Variants in FDFT1 observed in about 807,000 individuals in gnomAD.
The protein encoded by FDFT1 is farnesyl-diphosphate farnesyltransferase 1.
A neutral mutation model predicts 46.8 loss-of-function variants in FDFT1; 68 were observed. That is an observed-to-expected ratio of 1.45 (90% CI 1.19 to 1.78). The LOEUF (loss-of-function observed/expected upper bound fraction) is 1.78, where lower values mean the gene tolerates loss of function less well. FDFT1 is among the 40% of genes most tolerant of loss of function. FDFT1 has a pLI of 0.00. For missense variants in FDFT1, 928 were observed against 524.4 expected, an observed-to-expected ratio of 1.77 and a Z score of -7.52; for synonymous variants, 351 against 185.1, an observed-to-expected ratio of 1.90 and a Z score of -7.28.
intron 3 of FDFT1, among the ~76,000 whole-genome samples, chr8:11,813,532 G>A (rs1736058): frequency 0.18 from 27,773 of 152,096 alleles, 2,935 homozygotes; most frequent in East Asian, 0.43. Flanking sequence ...AGGATTACCC[G>A]TGAAGTTAAG....
At position 11,831,501 on chromosome 8, in the gene FDFT1, CTTCTT is replaced by C; in HGVS notation, c.880-16_880-12del. 1 of 1,524,496 alleles carries C rather than the reference CTTCTT, an allele frequency of 6.6e-7. No individual in the cohort carries two copies. Among genetic ancestry groups the C allele is most frequent in the African/African-American group, 1.3e-5 (1 of 74,190 alleles). The allele number at this position is 1,524,496 out of a possible 1,614,324, so 94.4% of individuals were successfully genotyped here. A position where few individuals can be genotyped will look rare whatever the true frequency, so the allele number is the denominator to read the frequency against. On this transcript the variant is annotated splice_polypyrimidine_tract_variant and intron_variant, in intron 6 of 7. Transcript: ENST00000220584. ...ACATCATTTCTTCTTTTTTCCCTCT[CTTCTT>C]GTTGTCTCTAGGTGATGGCCATTGC...
chr8:11,811,462 C>T (rs140923983), intron 3 of FDFT1, among the ~76,000 whole-genome samples: 14 of 152,052 alleles, frequency 9.2e-5, no homozygotes, highest in Non-Finnish European at 1.5e-4. Flanking sequence ...TCAAGGCAGC[C>T]CTATCCCCTC....
chr8:11,806,168 G>C (rs181434309), intron 1 of FDFT1, among the ~76,000 whole-genome samples: 3 of 152,152 alleles, frequency 2.0e-5, no homozygotes, highest in East Asian at 1.9e-4. Flanking sequence ...TCGTCTTCCT[G>C]ACCACCCCCA....
At chr8:11,796,033 T>C (rs991999258) in intron 1 of FDFT1, 1 of 152,216 alleles carries the variant, frequency 6.6e-6, no homozygotes, top group Non-Finnish European at 1.5e-5. Context: ...GTTTAGTTCA[T>C]GAGTTGGGGT....
At chr8:11,829,687 G>T (rs985281926) in intron 5 of FDFT1, among the ~76,000 whole-genome samples, 2 of 152,174 alleles carry the variant, frequency 1.3e-5, no homozygotes, top group African/African-American at 4.8e-5. Context: ...TGTCCCTCGG[G>T]ACATGCTCCC....
At chr8:11,829,646 A>G (rs1177588073) in intron 5 of FDFT1, among the ~76,000 whole-genome samples, 2 of 152,134 alleles carry the variant, frequency 1.3e-5, no homozygotes, top group African/African-American at 4.8e-5. Flanking sequence ...TTTAGCCTGA[A>G]TTCGTCCAAG....
intron 5 of FDFT1, among the ~76,000 whole-genome samples, chr8:11,828,887 C>A (rs890501877): frequency 6.6e-6 from 1 of 152,172 alleles, no homozygotes; most frequent in Admixed American, 6.5e-5. Context: ...GTGGATAGAC[C>A]ACATTTATCC....
chr8:11,809,906 G>T (rs1807466817), intron 3 of FDFT1, 56 bp downstream of exon 3: 1 of 1,337,168 alleles, frequency 7.5e-7, no homozygotes. Context: ...TTGCTAACGT[G>T]GTTGTCCGGT....
At chr8:11,835,638 G>T (rs1481744981) in intron 7 of FDFT1, among the ~76,000 whole-genome samples, 2 of 152,072 alleles carry the variant, frequency 1.3e-5, no homozygotes, top group African/African-American at 4.8e-5. Flanking sequence ...TTTCCCAAAA[G>T]GATGTAAGAT....
chr8:11,823,630 A>G (rs1477228762), intron 4 of FDFT1, among the ~76,000 whole-genome samples: 1 of 152,106 alleles, frequency 6.6e-6, no homozygotes, highest in Non-Finnish European at 1.5e-5. Flanking sequence ...ACTGGAATGC[A>G]GTGGCACAGA....
intron 3 of FDFT1, among the ~76,000 whole-genome samples, chr8:11,813,838 C>T (rs569804344): frequency 9.8e-5 from 15 of 152,294 alleles, no homozygotes; most frequent in South Asian, 2.1e-4. Context: ...TCACATGTCA[C>T]GGCTTATGGT....
At chr8:11,831,123 T>G (rs1011715367) in intron 6 of FDFT1, among the ~76,000 whole-genome samples, 1 of 152,240 alleles carries the variant, frequency 6.6e-6, no homozygotes, top group African/African-American at 2.4e-5. Context: ...ATGATTATGT[T>G]TGTTGTAGGA....
At chr8:11,806,273 G>A (rs1018447432) in intron 1 of FDFT1, among the ~76,000 whole-genome samples, 9 of 152,158 alleles carry the variant, frequency 5.9e-5, no homozygotes, top group Non-Finnish European at 1.2e-4. Context: ...ATAAACCCAA[G>A]AGGGACAGGC....
chr8:11,796,316 C>G (rs10503424), intron 1 of FDFT1, among the ~76,000 whole-genome samples: 1 of 151,916 alleles, frequency 6.6e-6, no homozygotes, highest in African/African-American at 2.4e-5. Flanking sequence ...GTAAACACTC[C>G]GCCAGATACT....
intron 1 of FDFT1, among the ~76,000 whole-genome samples, chr8:11,804,165 G>A (rs2047362): frequency 0.99 from 151,591 of 152,376 alleles, 75,415 homozygotes; most frequent in Middle Eastern, 1. Flanking sequence ...GACAATTTAA[G>A]AAAGCGAATG....
intron 2 of FDFT1, 28 bp from the exon 3 acceptor site, chr8:11,809,637 AAT>A (rs1807417574): frequency 6.5e-7 from 1 of 1,549,850 alleles, no homozygotes; most frequent in African/African-American, 1.4e-5. Flanking sequence ...TGTTTGTTCC[AAT>A]ATATTAATAG....
rs569877708 is a variant in FDFT1 at position 11,815,425 on chromosome 8, G to C, written c.381+5575G>C. 2.6e-5 allele frequency among the ~76,000 whole-genome samples: 4 copies of C among 152,302 alleles called. No individual in the cohort carries two copies. The South Asian group carries it at 8.3e-4, about 32-fold the overall frequency. ...GGGTCAAATGGTATTTCTAGTTCTA[G>C]ATCCTTGGGGAATCACCATACTGTC... On this transcript the variant is annotated intron_variant, in intron 3 of 7. Transcript: ENST00000220584.
upstream of FDFT1, among the ~76,000 whole-genome samples, chr8:11,799,816 C>T (rs1177308723): frequency 6.6e-6 from 1 of 151,558 alleles, no homozygotes; most frequent in East Asian, 1.9e-4. Context: ...CGTGGTGGTA[C>T]ATGCCTGTAG....
intron 5 of FDFT1, among the ~76,000 whole-genome samples, chr8:11,828,906 G>C (rs887041351): frequency 6.6e-6 from 1 of 152,170 alleles, no homozygotes; most frequent in Non-Finnish European, 1.5e-5. Context: ...CCATTCATCA[G>C]TTGAAGGATA....
Sources: allele counts gnomAD v4.1 joint callset (sites outside exome capture counted in the v4.1 genomes callset), GRCh38; gene constraint gnomAD v4.1.1; transcripts MANE v1.5; gene names NCBI Gene and HGNC (gene_info 2026-07-23, HGNC 2026-07-21).